Variants in MECOM observed in about 807,000 individuals in gnomAD.
MECOM encodes the protein MDS1 and EVI1 complex locus.
In MECOM, 13 loss-of-function variants were observed where a neutral mutation model predicts 116.3. The ratio of observed to expected loss-of-function variants is 0.11; its 90% CI spans 0.07 to 0.18. MECOM has a LOEUF of 0.18. Ranked by LOEUF, MECOM falls within the 10% of genes least tolerant of loss-of-function variation. The probability of loss-of-function intolerance (pLI) is 1.00; values close to 1 mark genes in which losing one functional copy is unlikely to be tolerated. For synonymous variants in MECOM, 528 were observed against 535.2 expected (o/e 0.99, Z 0.19); for missense variants, 1,299 against 1,509.0 (o/e 0.86, Z 2.31).
At chr3:169,302,619 C>G (rs933261740) in intron 2 of MECOM, among the ~76,000 whole-genome samples, 1 of 152,050 alleles carries the variant, frequency 6.6e-6, no homozygotes, top group Admixed American at 6.5e-5. Flanking sequence ...AATCCCAGCA[C>G]TTTGGGAGGC....
chr3:169,122,311 G>A (rs945944273), intron 6 of MECOM, among the ~76,000 whole-genome samples: 3 of 152,220 alleles, frequency 2.0e-5, no homozygotes, highest in Non-Finnish European at 4.4e-5. Context: ...AATCAGTAGC[G>A]GAACCAGGAA....
intron 2 of MECOM, among the ~76,000 whole-genome samples, chr3:169,214,675 T>C (rs1428529855): frequency 6.6e-6 from 1 of 151,516 alleles, no homozygotes; most frequent in African/African-American, 2.4e-5. Context: ...TCTACCTAGA[T>C]TTTTAATAAA....
intron 1 of MECOM, among the ~76,000 whole-genome samples, chr3:169,595,348 C>T (rs1021599307): frequency 1.3e-5 from 2 of 152,132 alleles, no homozygotes; most frequent in African/African-American, 2.4e-5. Flanking sequence ...TACCTCTATG[C>T]TTCATAAATC....
intron 2 of MECOM, among the ~76,000 whole-genome samples, chr3:169,202,095 A>G (rs1457633495): frequency 6.6e-6 from 1 of 152,068 alleles, no homozygotes; most frequent in African/African-American, 2.4e-5. Flanking sequence ...GTTTATTGAT[A>G]ATTACCTGTT....
In MECOM at chr3:169,165,587, T is replaced by C. The variant is rs549769653; in HGVS notation, c.376-21755A>G. 2.0e-5 allele frequency among the ~76,000 whole-genome samples: 3 copies of C among 152,294 alleles called. No individual in the cohort carries two copies. In the South Asian group the frequency reaches 6.2e-4, roughly 32 times the overall value. On this transcript the variant is annotated intron_variant, in intron 2 of 16. Transcript: ENST00000651503. ...CTTTTTTGAAGTGCTGTATACACGA[T>C]CTTGCAAGGCAAAACACTTTATGTA...
At chr3:169,626,662 GC>G (rs1473402384) in intron 1 of MECOM, among the ~76,000 whole-genome samples, 2 of 152,126 alleles carry the variant, frequency 1.3e-5, no homozygotes, top group South Asian at 2.1e-4. Flanking sequence ...GAGCAGCCTA[GC>G]TTTTTTCCTT....
intron 1 of MECOM, among the ~76,000 whole-genome samples, chr3:169,499,346 CA>C (rs60302997): frequency 0.032 from 1,629 of 51,454 alleles, 7 homozygotes; most frequent in African/African-American, 0.086. Context: ...AGATTACCCA[CA>C]AAAAAAAAAA....
chr3:169,110,635 C>T (rs911126269), intron 9 of MECOM, among the ~76,000 whole-genome samples: 4 of 152,176 alleles, frequency 2.6e-5, no homozygotes, highest in Non-Finnish European at 4.4e-5. Flanking sequence ...TCAGATAGTC[C>T]CACTATCCAG....
chr3:169,338,073 C>T (rs972131216), intron 2 of MECOM, among the ~76,000 whole-genome samples: 4 of 152,224 alleles, frequency 2.6e-5, no homozygotes, highest in African/African-American at 4.8e-5. Context: ...TATTTGGTTG[C>T]GATATAATCA....
chr3:169,586,197 C>G (rs1172008017), intron 1 of MECOM, among the ~76,000 whole-genome samples: 1 of 152,204 alleles, frequency 6.6e-6, no homozygotes, highest in Non-Finnish European at 1.5e-5. Context: ...AATGAGAATA[C>G]TTGCTCCCAT....
intron 1 of MECOM, among the ~76,000 whole-genome samples, chr3:169,460,248 A>G (rs1271195947): frequency 6.6e-6 from 1 of 152,228 alleles, no homozygotes; most frequent in Non-Finnish European, 1.5e-5. Context: ...GCTTTCCCAC[A>G]GAGAGCAAAC....
chr3:169,309,948 C>G (rs1257482975), intron 2 of MECOM, among the ~76,000 whole-genome samples: 2 of 152,170 alleles, frequency 1.3e-5, no homozygotes, highest in Non-Finnish European at 2.9e-5. Flanking sequence ...CGGGCAAAAC[C>G]AAACATTCCA....
intron 1 of MECOM, among the ~76,000 whole-genome samples, chr3:169,487,277 T>C (rs1246360082): frequency 1.3e-5 from 2 of 151,804 alleles, no homozygotes; most frequent in Non-Finnish European, 2.9e-5. Flanking sequence ...ATAATGTGTA[T>C]AAATCTAAAT....
At chr3:169,263,077 C>CTA (rs748506622) in intron 2 of MECOM, among the ~76,000 whole-genome samples, 41 of 32,928 alleles carry the variant, frequency 1.2e-3, no homozygotes, top group South Asian at 4.1e-3. Flanking sequence ...TTTCAAGATG[C>CTA]TATATATATA....
intron 2 of MECOM, among the ~76,000 whole-genome samples, chr3:169,161,039 A>G (rs893806446): frequency 2.6e-5 from 4 of 152,208 alleles, no homozygotes; most frequent in African/African-American, 9.6e-5. Context: ...TTCAACACGT[A>G]AACCAACTTA....
intron 1 of MECOM, among the ~76,000 whole-genome samples, chr3:169,589,827 C>G (rs1357120203): frequency 6.6e-6 from 1 of 152,198 alleles, no homozygotes; most frequent in Non-Finnish European, 1.5e-5. Context: ...CTACTTTTAA[C>G]AAATCTGTGT....
intron 1 of MECOM, among the ~76,000 whole-genome samples, chr3:169,382,725 C>T (rs755947100): frequency 1.4e-4 from 21 of 151,312 alleles, no homozygotes; most frequent in Admixed American, 2.0e-4. Flanking sequence ...TGGTGGTATG[C>T]GCCTGTAGTC....
At chr3:169,106,039 C>T (rs978105278) in intron 10 of MECOM, among the ~76,000 whole-genome samples, 2 of 152,068 alleles carry the variant, frequency 1.3e-5, no homozygotes, top group African/African-American at 4.8e-5. Flanking sequence ...AATGATATGT[C>T]CAACAACACC....
At chr3:169,477,535 C>G (rs1750675944) in intron 1 of MECOM, among the ~76,000 whole-genome samples, 1 of 152,124 alleles carries the variant, frequency 6.6e-6, no homozygotes, top group Admixed American at 6.5e-5. Flanking sequence ...GCCAAGAGCA[C>G]TTCTCTGTTT....
Sources: allele counts gnomAD v4.1 joint callset (sites outside exome capture counted in the v4.1 genomes callset), GRCh38; gene constraint gnomAD v4.1.1; transcripts MANE v1.5; gene names NCBI Gene and HGNC (gene_info 2026-07-23, HGNC 2026-07-21).